Variants in PPIG observed in about 807,000 individuals in gnomAD.
PPIG encodes the protein peptidyl-prolyl cis-trans isomerase G.
In PPIG, 26 loss-of-function variants were observed where a neutral mutation model predicts 87.9. The ratio of observed to expected loss-of-function variants is 0.30; its 90% CI spans 0.22 to 0.41. PPIG has a LOEUF of 0.41. Among genes scored for constraint, PPIG ranks in the 10% least tolerant of loss-of-function variants. The pLI, the probability that PPIG is intolerant of heterozygous loss-of-function variation, is 1.00. For synonymous variants in PPIG, 308 were observed against 276.5 expected, an observed-to-expected ratio of 1.11 and a Z score of -1.13; for missense variants, 722 against 879.4, an observed-to-expected ratio of 0.82 and a Z score of 2.26.
In PPIG at chr2:169,584,362, T is replaced by G. The variant is rs1395332225; in HGVS notation, c.-198T>G. On this transcript the variant is annotated 5_prime_UTR_variant, in exon 1 of 14. Coordinates refer to ENST00000260970, the MANE Select transcript of PPIG (RefSeq NM_004792.3). The stretch of plus-strand genomic sequence containing the variant: ...GACGCGCTTCCGGTGCGACGCTGTC[T>G]CTCCATGCCAGGACTGAGTTGTGGG... 1.1e-5 allele frequency: 5 copies of G among 470,918 alleles called. No homozygotes were observed. Among genetic ancestry groups the G allele is most frequent in the Non-Finnish European group, 1.8e-5 (4 of 227,042 alleles). The allele number at this position is 470,918 out of a possible 1,614,324, so 29.2% of individuals were successfully genotyped here.
intron 9 of PPIG, 28 bp from the exon 10 acceptor site, chr2:169,630,746 G>C: frequency 6.4e-7 from 1 of 1,558,460 alleles, no homozygotes; most frequent in Non-Finnish European, 8.7e-7. Flanking sequence ...AAAAATTGTT[G>C]ATCAAAACCT....
At chr2:169,627,322 C>T (rs1685915993) in intron 9 of PPIG, among the ~76,000 whole-genome samples, 1 of 152,228 alleles carries the variant, frequency 6.6e-6, no homozygotes, top group Admixed American at 6.5e-5. Flanking sequence ...GTCTCGAACT[C>T]CTGACCTCAA....
intron 9 of PPIG, among the ~76,000 whole-genome samples, chr2:169,615,540 T>C (rs1685589391): frequency 6.6e-6 from 1 of 152,252 alleles, no homozygotes. Context: ...CGTTTTTAGA[T>C]TCCACATGTA....
At chr2:169,597,521 CAG>C (rs56081042) in intron 1 of PPIG, among the ~76,000 whole-genome samples, 14,433 of 141,670 alleles carry the variant, frequency 0.1, 910 homozygotes, top group Middle Eastern at 0.2. Flanking sequence ...TTTTTTGAGA[CAG>C]AGTCTCACTC....
At chr2:169,624,063 T>A (rs571078527) in intron 9 of PPIG, among the ~76,000 whole-genome samples, 1 of 152,244 alleles carries the variant, frequency 6.6e-6, no homozygotes, top group Admixed American at 6.5e-5. Flanking sequence ...AACTCCTGGG[T>A]TCAGTCAATT....
chr2:169,610,030 C>A lies in PPIG; in HGVS notation c.377+1272C>A, dbSNP rs552148368. Reference sequence around the variant, plus strand: ...AACTACAAAAAAAATTATGACCAGGCCTGTTGTCAGTAATGCCTGTTTTTA... The same window carrying A: ...AACTACAAAAAAAATTATGACCAGGACTGTTGTCAGTAATGCCTGTTTTTA... On this transcript the variant is annotated intron_variant, in intron 7 of 13. Coordinates refer to ENST00000260970, the MANE Select transcript of PPIG (RefSeq NM_004792.3). 1.6e-3 allele frequency among the ~76,000 whole-genome samples: 246 copies of A among 152,272 alleles called. 2 individuals are homozygous for A. Among genetic ancestry groups the A allele is most frequent in the South Asian group, 4.6e-3 (22 of 4,824 alleles).
At chr2:169,591,266 T>C (rs1387473513) in intron 1 of PPIG, among the ~76,000 whole-genome samples, 1 of 152,236 alleles carries the variant, frequency 6.6e-6, no homozygotes, top group Non-Finnish European at 1.5e-5. Flanking sequence ...GATAAATTTT[T>C]TTACACATGA....
chr2:169,593,077 T>A (rs1464849495), intron 1 of PPIG, among the ~76,000 whole-genome samples: 10 of 152,160 alleles, frequency 6.6e-5, no homozygotes, highest in Non-Finnish European at 1.5e-4. Flanking sequence ...TGAATACATC[T>A]TATAGCCATT....
intron 5 of PPIG, among the ~76,000 whole-genome samples, chr2:169,606,591 CAAAAAAAAA>C (rs71006009): frequency 1.2e-5 from 1 of 85,032 alleles, no homozygotes; most frequent in African/African-American, 5.5e-5. Context: ...GACTCTGTCT[CAAAAAAAAA>C]AAAAAAAAGA....
At chr2:169,636,030 C>A in intron 12 of PPIG, 62 bp from the exon 13 acceptor site, 1 of 1,334,570 alleles carries the variant, frequency 7.5e-7, no homozygotes, top group Non-Finnish European at 1.0e-6. Context: ...TCCCTCCCAG[C>A]ACCCATGCGA....
In PPIG at chr2:169,633,430, A is replaced by G. The variant is rs1308720796; in HGVS notation, c.1017+183A>G. The G allele has an allele frequency of 1.1e-5, 7 of 628,096 alleles. No homozygotes were observed. The Admixed American group carries it at 1.2e-4, about 11-fold the overall frequency. 38.9% of individuals were successfully genotyped at this position (628,096 alleles called of 1,614,324 possible). On this transcript the variant is annotated intron_variant, in intron 12 of 13. Transcript: ENST00000260970. The stretch of plus-strand genomic sequence containing the variant: ...GTATGTTGGTACTTCCCAACAGAAA[A>G]TCCATGAGATATGAATAGATTTTAC...
chr2:169,617,706 A>C (rs1183561789), intron 9 of PPIG, among the ~76,000 whole-genome samples: 1 of 152,188 alleles, frequency 6.6e-6, no homozygotes, highest in Non-Finnish European at 1.5e-5. Flanking sequence ...TTGATTTTGT[A>C]TCCGGAGACT....
Position 169,639,965 on chromosome 2 carries a change from CTG to C in PPIG, c.*2443_*2444del, listed in dbSNP as rs1430298433. On this transcript the variant is annotated 3_prime_UTR_variant, in exon 14 of 14. Coordinates refer to ENST00000260970, the MANE Select transcript of PPIG (RefSeq NM_004792.3). ...TAATATCCTTTTAAAAATATTTAAA[CTG>C]ATTTATTGCTCAATTGGTGATAGCT... The C allele has an allele frequency of 2.0e-5, 3 of 152,048 alleles. No homozygotes were observed. The highest frequency in any genetic ancestry group is 7.2e-5 in the African/African-American group (3 of 41,406). 9.4% of individuals were successfully genotyped at this position (152,048 alleles called of 1,614,324 possible).
intron 9 of PPIG, among the ~76,000 whole-genome samples, chr2:169,616,043 G>A (rs1284834570): frequency 2.6e-5 from 4 of 152,060 alleles, no homozygotes; most frequent in Admixed American, 6.6e-5. Context: ...GTTCCTCTCC[G>A]TGTGTACATG....
At chr2:169,635,914 A>C (rs1271782573) in intron 12 of PPIG, among the ~76,000 whole-genome samples, 178 bp from the exon 13 acceptor site, 1 of 152,134 alleles carries the variant, frequency 6.6e-6, no homozygotes, top group Non-Finnish European at 1.5e-5. Flanking sequence ...CAGACGTTTT[A>C]TTTTAACCTG....
chr2:169,589,957 A>G (rs1366186269), intron 1 of PPIG, among the ~76,000 whole-genome samples: 1 of 152,052 alleles, frequency 6.6e-6, no homozygotes, highest in African/African-American at 2.4e-5. Context: ...TAAAAATACA[A>G]AATTAGCCGG....
At chr2:169,607,486 A>AT (rs200455527) in intron 6 of PPIG, among the ~76,000 whole-genome samples, 2,367 of 152,180 alleles carry the variant, frequency 0.016, 67 homozygotes, top group African/African-American at 0.054. Flanking sequence ...ATTTTAGGTC[A>AT]TTTTTTCTAT....
At chr2:169,586,205 A>T (rs1459218626) in intron 1 of PPIG, among the ~76,000 whole-genome samples, 1 of 152,158 alleles carries the variant, frequency 6.6e-6, no homozygotes, top group East Asian at 1.9e-4. Flanking sequence ...GAGATCCTAT[A>T]GGGTCTTGTA....
At position 169,630,770 on chromosome 2, in the gene PPIG, A is replaced by G. The variant is rs774420536; in HGVS notation, c.548-4A>G. 4 of 1,583,442 alleles carry G rather than the reference A, an allele frequency of 2.5e-6. No homozygotes were observed. The East Asian group carries it at 8.9e-5, about 35-fold the overall frequency. Reference sequence around the variant, plus strand: ...TGATCAAAACCTTTTTGTTTTTATTAAAGTTAAGAAAGAAGAAAAGAAAAG... The same window carrying G: ...TGATCAAAACCTTTTTGTTTTTATTGAAGTTAAGAAAGAAGAAAAGAAAAG... On this transcript the variant is annotated splice_polypyrimidine_tract_variant and splice_region_variant and intron_variant, in intron 9 of 13. Coordinates refer to ENST00000260970, the MANE Select transcript of PPIG (RefSeq NM_004792.3).
Sources: allele counts gnomAD v4.1 joint callset (sites outside exome capture counted in the v4.1 genomes callset), GRCh38; gene constraint gnomAD v4.1.1; transcripts MANE v1.5; gene names NCBI Gene and HGNC (gene_info 2026-07-23, HGNC 2026-07-21).